CCNT2: variants seen among roughly 807,000 people sequenced by gnomAD.
The protein encoded by CCNT2 is cyclin T2.
CCNT2 carries 18 observed loss-of-function variants against 70.0 expected under a neutral mutation model. That is an observed-to-expected ratio of 0.26 (90% CI 0.18 to 0.38). The LOEUF is 0.38. Ranked by LOEUF, CCNT2 falls within the 10% of genes least tolerant of loss-of-function variation. The pLI is 1.00. For missense variants in CCNT2, 734 were observed against 890.2 expected (o/e 0.82, Z 2.23); for synonymous variants, 334 against 313.3 (o/e 1.07, Z -0.70).
In CCNT2 at chr2:134,955,218, A is replaced by G. The variant is rs187480012; in HGVS notation, c.*570A>G. The stretch of plus-strand genomic sequence containing the variant: ...ACAATATACAGAATAACTTTATTTT[A>G]TCTTGTCAGAGTCCATCACTAATCT... On this transcript the variant is annotated 3_prime_UTR_variant, in exon 9 of 9. Coordinates refer to ENST00000264157, the MANE Select transcript of CCNT2 (RefSeq NM_058241.3). 6.5e-6 allele frequency: 1 copy of G among 153,952 alleles called. No homozygotes were observed. Among genetic ancestry groups the G allele is most frequent in the Admixed American group, 6.4e-5 (1 of 15,566 alleles). 9.5% of individuals were successfully genotyped at this position (153,952 alleles called of 1,614,324 possible).
At chr2:134,929,636 A>G (rs1269917641) in intron 2 of CCNT2, among the ~76,000 whole-genome samples, 21 of 129,770 alleles carry the variant, frequency 1.6e-4, no homozygotes, top group African/African-American at 6.4e-4. Context: ...AGAGAGAGAG[A>G]ACTAATAAAT....
chr2:134,927,768 G>A (rs1040421956), intron 2 of CCNT2, among the ~76,000 whole-genome samples: 1 of 152,062 alleles, frequency 6.6e-6, no homozygotes, highest in African/African-American at 2.4e-5. Flanking sequence ...ACATTCTAGG[G>A]AGTACATATT....
Position 134,958,153 on chromosome 2 carries a change from A to G in CCNT2, c.*3505A>G, listed in dbSNP as rs925983828. ...TTCATGAGTACAGTTAGTTGATTAG[A>G]TATTTCAGGGTTTTGCATTTTCTAT... On this transcript the variant is annotated 3_prime_UTR_variant, in exon 9 of 9. Transcript: ENST00000264157. 4 of 152,196 alleles carry G rather than the reference A, an allele frequency of 2.6e-5. No homozygotes were observed. Among genetic ancestry groups the G allele is most frequent in the African/African-American group, 9.7e-5 (4 of 41,434 alleles). The allele number at this position is 152,196 out of a possible 1,614,324, so 9.4% of individuals were successfully genotyped here.
Position 134,942,026 on chromosome 2 carries a change from G to A in CCNT2, c.431-586G>A, listed in dbSNP as rs1010778762. ...TGCCACACCTAAGGGTTGATTGCACGTTGATAGCTTTTAAACATTTCATCT... is the reference window on the plus strand; with the variant it reads ...TGCCACACCTAAGGGTTGATTGCACATTGATAGCTTTTAAACATTTCATCT... On this transcript the variant is annotated intron_variant, in intron 4 of 8. Transcript: ENST00000264157. Among the ~76,000 whole-genome samples the A allele has an allele frequency of 7.9e-5, 12 of 152,140 alleles. No homozygotes were observed. In the South Asian group the frequency reaches 1.7e-3, roughly 21 times the overall value.
chr2:134,941,912 C>T (rs899998833), intron 4 of CCNT2, among the ~76,000 whole-genome samples: 1 of 152,076 alleles, frequency 6.6e-6, no homozygotes, highest in Non-Finnish European at 1.5e-5. Context: ...CTTTATAAAT[C>T]TAGATTACCC....
At chr2:134,949,804 G>GGGC (rs1553525580) in intron 7 of CCNT2, among the ~76,000 whole-genome samples, 1 of 137,612 alleles carries the variant, frequency 7.3e-6, no homozygotes, top group Non-Finnish European at 1.6e-5. Flanking sequence ...TTTTTTTTCG[G>GGGC]GGGGGGGGTG....
At chr2:134,925,579 T>C (rs926682034) in intron 2 of CCNT2, among the ~76,000 whole-genome samples, 1 of 152,166 alleles carries the variant, frequency 6.6e-6, no homozygotes, top group Non-Finnish European at 1.5e-5. Flanking sequence ...TCATCTATGT[T>C]GTTGTATTTA....
Position 134,953,323 on chromosome 2 carries a change from G to A in CCNT2, c.868G>A (p.Asp290Asn). Residue 290 changes from aspartate to asparagine, a missense_variant, in exon 9 of 9, where the codon GAT becomes AAT. Asp to Asn is a conservative substitution (Grantham distance 23). Transcript: ENST00000264157. ...TTTGGTCCAGAATTCCATTTTAGTAGATAGTGTCACTGGTGTGCCTACAAA... is the reference window on the plus strand; with the variant it reads ...TTTGGTCCAGAATTCCATTTTAGTAAATAGTGTCACTGGTGTGCCTACAAA... ...SSLVQNSILV[D>N]SVTGVPTNPS... 1 of 1,611,872 alleles carries A rather than the reference G, an allele frequency of 6.2e-7. No homozygotes were observed. Among genetic ancestry groups the A allele is most frequent in the Non-Finnish European group, 8.5e-7 (1 of 1,178,606 alleles).
Position 134,919,805 on chromosome 2 carries a change from T to C in CCNT2, c.159-5T>C. On this transcript the variant is annotated splice_region_variant and splice_polypyrimidine_tract_variant and intron_variant, in intron 1 of 8. Transcript: ENST00000264157. ...GTCAGATATTTCCTAAATATTACGTTCCAGCTCTCAGCTTACAATAAACAC... is the reference window on the plus strand; with the variant it reads ...GTCAGATATTTCCTAAATATTACGTCCCAGCTCTCAGCTTACAATAAACAC... 1 of 1,602,232 alleles carries C rather than the reference T, an allele frequency of 6.2e-7. No homozygotes were observed. The highest frequency in any genetic ancestry group is 8.5e-7 in the Non-Finnish European group (1 of 1,172,060).
In CCNT2 at chr2:134,919,907, C is replaced by G; in HGVS notation, c.240+16C>G. On this transcript the variant is annotated intron_variant, in intron 2 of 8. Transcript: ENST00000264157. ...CAACAAAAATGTAAGTACTAGTTGT[C>G]TGTTTTTACTGTCCGCAAATTTGAG... 7.7e-7 allele frequency: 1 copy of G among 1,296,496 alleles called. No individual in the cohort carries two copies. 80.3% of individuals were successfully genotyped at this position (1,296,496 alleles called of 1,614,324 possible).
At chr2:134,945,173 G>A in intron 5 of CCNT2, 6 of 985,318 alleles carry the variant, frequency 6.1e-6, no homozygotes, top group Non-Finnish European at 7.2e-6. Context: ...TTATGTTGAT[G>A]ATCCACATGG....
At chr2:134,930,263 G>A (rs974754363) in intron 2 of CCNT2, among the ~76,000 whole-genome samples, 4 of 152,146 alleles carry the variant, frequency 2.6e-5, no homozygotes, top group Non-Finnish European at 5.9e-5. Context: ...GGTCTTTCAC[G>A]AAGCATGTTT....
intron 8 of CCNT2, 31 bp from the exon 9 acceptor site, chr2:134,953,198 AT>A (rs1682660092): frequency 6.7e-7 from 1 of 1,488,562 alleles, no homozygotes; most frequent in African/African-American, 1.4e-5. Context: ...ATTTTGCTAT[AT>A]CACTGCTTCT....
Position 134,953,899 on chromosome 2 carries a change from A to G in CCNT2, c.1444A>G (p.Ile482Val), listed in dbSNP as rs777534085. 3 of 1,613,970 alleles carry G rather than the reference A, an allele frequency of 1.9e-6. No individual in the cohort carries two copies. Among genetic ancestry groups the G allele is most frequent in the Non-Finnish European group, 1.7e-6 (2 of 1,179,974 alleles). Residue 482 changes from isoleucine to valine, a missense_variant, in exon 9 of 9, where the codon ATT becomes GTT. This residue lies in a region of CCNT2 where 532 missense variants were observed against 556.9 expected (regional missense o/e 0.96). Coordinates refer to ENST00000264157, the MANE Select transcript of CCNT2 (RefSeq NM_058241.3). ...CAGCAGCAGTTCTGTTACTTCTCCC[A>G]TTAAAATGAAAATACCTATCGCAAA... ...AASSSSVTSP[I>V]KMKIPIANTE...
At chr2:134,923,356 T>C (rs764727021) in intron 2 of CCNT2, among the ~76,000 whole-genome samples, 2 of 152,198 alleles carry the variant, frequency 1.3e-5, no homozygotes, top group South Asian at 2.1e-4. Context: ...ATTGTTATAC[T>C]CTGGTCATGT....
At chr2:134,942,171 C>T (rs1051717981) in intron 4 of CCNT2, among the ~76,000 whole-genome samples, 16 of 150,352 alleles carry the variant, frequency 1.1e-4, no homozygotes, top group Non-Finnish European at 1.5e-4. Flanking sequence ...TCTAGAGTGC[C>T]GTATCATTTA....
intron 2 of CCNT2, 186 bp downstream of exon 2, chr2:134,920,077 G>A: frequency 1.9e-6 from 1 of 518,238 alleles, no homozygotes; most frequent in Non-Finnish European, 3.4e-6. Context: ...GAATTAAACT[G>A]CAAGGCACTG....
chr2:134,947,840 C>G lies in CCNT2; in HGVS notation c.644C>G (p.Thr215Ser). 1 of 1,556,656 alleles carries G rather than the reference C, an allele frequency of 6.4e-7. No individual in the cohort carries two copies. Among genetic ancestry groups the G allele is most frequent in the Non-Finnish European group, 8.8e-7 (1 of 1,138,610 alleles). ...KWSNWEIPVS[T>S]DGKHWWEYVD... ...TCCAATTGGGAGATCCCTGTATCAA[C>G]TGATGGAAAGCATTGGTGGGAATAT... The change falls in exon 7 of 9, where the codon ACT (threonine) becomes AGT (serine). Residue 215 changes from threonine (T) to serine (S), a missense_variant. Thr to Ser is a moderately conservative substitution (Grantham distance 58). Transcript: ENST00000264157.
At chr2:134,923,870 C>T (rs1680091967) in intron 2 of CCNT2, among the ~76,000 whole-genome samples, 1 of 152,126 alleles carries the variant, frequency 6.6e-6, no homozygotes, top group Admixed American at 6.5e-5. Flanking sequence ...AGAAGTAGAG[C>T]ACAGTAGCAA....
Sources: gnomAD v4.1 joint callset for allele counts (sites outside exome capture counted in the v4.1 genomes callset) on GRCh38, gnomAD v4.1.1 for gene constraint, gnomAD v4.1.1 regional missense constraint, MANE v1.5 for transcripts, NCBI Gene and HGNC (gene_info 2026-07-23, HGNC 2026-07-21) for gene names.